PPIE: variants seen among roughly 807,000 people sequenced by gnomAD.
PPIE encodes peptidylprolyl isomerase E.
In PPIE, 20 loss-of-function variants were observed where a neutral mutation model predicts 38.4. The ratio of observed to expected loss-of-function variants is 0.52; its 90% CI spans 0.37 to 0.76. PPIE has a LOEUF of 0.76. Among genes scored for constraint, PPIE ranks in the 30% least tolerant of loss-of-function variants. The pLI is 0.00. For missense variants in PPIE, 322 were observed against 385.8 expected (o/e 0.83, Z 1.39); for synonymous variants, 142 against 135.7 (o/e 1.05, Z -0.32).
In PPIE at chr1:39,755,891, G is replaced by A; in HGVS notation, c.*2536G>A. 3 of 985,438 alleles carry A rather than the reference G, an allele frequency of 3.0e-6. No individual in the cohort carries two copies. Among genetic ancestry groups the A allele is most frequent in the Non-Finnish European group, 3.6e-6 (3 of 829,926 alleles). 61.0% of individuals were successfully genotyped at this position (985,438 alleles called of 1,614,324 possible). A position where few individuals can be genotyped will look rare whatever the true frequency, so the allele number is the denominator to read the frequency against. ...TCACACAGGGTGGTTTGGCAGAGCT[G>A]GGATTAGAAGCCCAGCCTGTCTCTC... On this transcript the variant is annotated 3_prime_UTR_variant, in exon 10 of 10. Transcript: ENST00000324379.
chr1:39,763,512 T>C (rs1426171942), intron 9 of PPIE, among the ~76,000 whole-genome samples: 1 of 145,852 alleles, frequency 6.9e-6, no homozygotes, highest in Non-Finnish European at 1.5e-5. Context: ...TTCATTTTCA[T>C]GGTTTTAAAA....
chr1:39,751,680 G>A lies in PPIE; in HGVS notation c.695-1230G>A, dbSNP rs1182174497. 2.0e-5 allele frequency among the ~76,000 whole-genome samples: 3 copies of A among 152,106 alleles called. No homozygotes were observed. The East Asian group carries it at 5.8e-4, about 29-fold the overall frequency. ...CAGCCTCTAGCAGGATGTTTGTAAGGGCCAAGAGGATATGAGACAATTCAT... is the reference window on the plus strand; with the variant it reads ...CAGCCTCTAGCAGGATGTTTGTAAGAGCCAAGAGGATATGAGACAATTCAT... On this transcript the variant is annotated intron_variant, in intron 8 of 9. Transcript: ENST00000324379.
intron 2 of PPIE, 90 bp from the exon 3 acceptor site, chr1:39,741,275 AC>A (rs1647050802): frequency 1.8e-6 from 2 of 1,103,702 alleles, no homozygotes; most frequent in Admixed American, 3.4e-5. Context: ...GTGTTTGGAT[AC>A]GACATGTAAC....
At chr1:39,752,757 C>G (rs528541882) in intron 8 of PPIE, among the ~76,000 whole-genome samples, 153 bp from the exon 9 acceptor site, 1 of 152,386 alleles carries the variant, frequency 6.6e-6, no homozygotes, top group South Asian at 2.1e-4. Flanking sequence ...TGACTATTAA[C>G]TGAATCCAAG....
chr1:39,760,618 C>T (rs1648818442), downstream of PPIE: 3 of 1,584,428 alleles, frequency 1.9e-6, no homozygotes, highest in East Asian at 2.3e-5. Context: ...TGGCCTCCTC[C>T]AAGGACCCAC....
In PPIE at chr1:39,741,405, C is replaced by T; in HGVS notation, c.170C>T (p.Ala57Val). 1 of 1,613,956 alleles carries T rather than the reference C, an allele frequency of 6.2e-7. No individual in the cohort carries two copies. The highest frequency in any genetic ancestry group is 1.1e-5 in the South Asian group (1 of 91,066). ...RGFAFVEFEL[A>V]EDAAAAIDNM... ...TTTGCTTTTGTTGAATTTGAGTTGG[C>T]AGAGGTGAGAGTCTGTGTTACTAGT... Residue 57 changes from alanine to valine, a missense_variant, in exon 3 of 10, where the codon GCA (alanine) becomes GTA (valine). By Grantham distance (64) the Ala-to-Val change is moderately conservative. Transcript: ENST00000324379.
intron 7 of PPIE, chr1:39,745,900 T>C (rs900346470): frequency 6.2e-6 from 1 of 160,824 alleles, no homozygotes; most frequent in Non-Finnish European, 1.4e-5. Context: ...TTCTATTCTC[T>C]TTTTAATCTA....
At chr1:39,747,409 A>G (rs973238815) in intron 7 of PPIE, 2 of 142,416 alleles carry the variant, frequency 1.4e-5, no homozygotes, top group African/African-American at 2.6e-5. Flanking sequence ...ACCATTTTAC[A>G]TTTCTACCAG....
chr1:39,754,943 C>A lies in PPIE; in HGVS notation c.*1588C>A. The A allele has an allele frequency of 1.1e-6, 1 of 928,076 alleles. No homozygotes were observed. Among genetic ancestry groups the A allele is most frequent in the Non-Finnish European group, 1.3e-6 (1 of 777,750 alleles). 57.5% of individuals were successfully genotyped at this position (928,076 alleles called of 1,614,324 possible). On this transcript the variant is annotated 3_prime_UTR_variant, in exon 10 of 10. Coordinates refer to ENST00000324379, the MANE Select transcript of PPIE (RefSeq NM_006112.4). ...ACCATGGCCTAGCCAAATTGACACA[C>A]AAAATAGACCATCACAGTCCCAAGG...
chr1:39,746,543 A>AGACTAGACC (rs1167035610), intron 7 of PPIE: 3 of 152,246 alleles, frequency 2.0e-5, no homozygotes, highest in Non-Finnish European at 4.4e-5. Flanking sequence ...AACCTACCAA[A>AGACTAGACC]GACTAGACCC....
chr1:39,753,325 G>C lies in PPIE; in HGVS notation c.876G>C (p.Val292=), dbSNP rs368573799. ...GSKDGKPKQK[V]IIADCGEYV is the part of the protein sequence containing the mutation. ...AGGACGGGAAGCCAAAGCAGAAGGT[G>C]ATCATCGCCGACTGTGGGGAGTACG... Residue 292 remains valine, a synonymous_variant, in exon 10 of 10, where the codon GTG becomes GTC. Transcript: ENST00000324379. 17 of 1,614,064 alleles carry C rather than the reference G, an allele frequency of 1.1e-5. No individual in the cohort carries two copies. Among genetic ancestry groups the C allele is most frequent in the Non-Finnish European group, 1.4e-5 (16 of 1,180,026 alleles).
At chr1:39,739,586 T>A (rs561836321) in intron 1 of PPIE, among the ~76,000 whole-genome samples, 1 of 152,290 alleles carries the variant, frequency 6.6e-6, no homozygotes, top group East Asian at 1.9e-4. Flanking sequence ...CCCATCCATC[T>A]GGAGAAGCGA....
At chr1:39,761,353 C>G (rs1157506178), downstream of PPIE, 1 of 152,710 alleles carries the variant, frequency 6.5e-6, no homozygotes, top group Admixed American at 6.5e-5. Flanking sequence ...CCTGCCCCGT[C>G]CAGCTGCCAT....
At chr1:39,760,224 C>T (rs1648749154), downstream of PPIE, 1 of 937,160 alleles carries the variant, frequency 1.1e-6, no homozygotes, top group Admixed American at 2.8e-5. Flanking sequence ...GGAAACAGGA[C>T]AGTCACACAA....
In PPIE at chr1:39,756,228, C is replaced by T. The variant is rs1191464288; in HGVS notation, c.*2873C>T. 1 of 985,354 alleles carries T rather than the reference C, an allele frequency of 1.0e-6. No individual in the cohort carries two copies. The highest frequency in any genetic ancestry group is 1.2e-6 in the Non-Finnish European group (1 of 829,950). 61.0% of individuals were successfully genotyped at this position (985,354 alleles called of 1,614,324 possible). A position where few individuals can be genotyped will look rare whatever the true frequency, so the allele number is the denominator to read the frequency against. ...CCAGTGGCTCTGTGGGCGTCCTTTCCTGCAGCCTGGAGAGCAAAGCGGCTT... is the reference window on the plus strand; with the variant it reads ...CCAGTGGCTCTGTGGGCGTCCTTTCTTGCAGCCTGGAGAGCAAAGCGGCTT... On this transcript the variant is annotated 3_prime_UTR_variant, in exon 10 of 10. Coordinates refer to ENST00000324379, the MANE Select transcript of PPIE (RefSeq NM_006112.4).
chr1:39,753,133 C>T (rs1187856713), intron 9 of PPIE, 81 bp downstream of exon 9: 4 of 1,598,446 alleles, frequency 2.5e-6, no homozygotes, highest in Admixed American at 3.5e-5. Context: ...GTCTCTGTGG[C>T]CTGAGAGAGA....
chr1:39,751,885 T>C (rs934565947), intron 8 of PPIE, among the ~76,000 whole-genome samples: 2 of 151,926 alleles, frequency 1.3e-5, no homozygotes, highest in East Asian at 3.9e-4. Flanking sequence ...ATCACGTGAG[T>C]TCAGGAGTTC....
At chr1:39,760,208 T>A, downstream of PPIE, 3 of 816,668 alleles carry the variant, frequency 3.7e-6, no homozygotes, top group African/African-American at 1.7e-5. Flanking sequence ...TGAGACCACC[T>A]GGGCTGGAAA....
At position 39,738,899 on chromosome 1, in the gene PPIE, A is replaced by G. The variant is rs1646986168; in HGVS notation, c.-2A>G. ...CTTCCGGCGGAAAAGCGCGCGAGCA[A>G]GATGGCCACCACCAAGCGCGTCTTG... is the stretch of plus-strand genomic sequence containing the variant. On this transcript the variant is annotated 5_prime_UTR_variant, in exon 1 of 10. Coordinates refer to ENST00000324379, the MANE Select transcript of PPIE (RefSeq NM_006112.4). The G allele has an allele frequency of 1.3e-6, 2 of 1,513,854 alleles. No individual in the cohort carries two copies. Among genetic ancestry groups the G allele is most frequent in the African/African-American group, 2.9e-5 (2 of 69,120 alleles). 93.8% of individuals were successfully genotyped at this position (1,513,854 alleles called of 1,614,324 possible).
Sources: allele counts gnomAD v4.1 joint callset (sites outside exome capture counted in the v4.1 genomes callset), GRCh38; gene constraint gnomAD v4.1.1; transcripts MANE v1.5; gene names NCBI Gene and HGNC (gene_info 2026-07-23, HGNC 2026-07-21).